Variants in SYNPO2 observed in about 807,000 individuals in gnomAD.
SYNPO2 encodes the protein synaptopodin 2.
A neutral mutation model predicts 85.0 loss-of-function variants in SYNPO2; 56 were observed. The observed-to-expected ratio is 0.66, with a 90% CI of 0.53 to 0.82. The LOEUF (loss-of-function observed/expected upper bound fraction) is 0.82, where lower values mean the gene tolerates loss of function less well. Ranked by LOEUF, SYNPO2 falls within the 40% of genes least tolerant of loss-of-function variation. The probability of loss-of-function intolerance (pLI) is 0.00; values close to 1 mark genes in which losing one functional copy is unlikely to be tolerated. For synonymous variants in SYNPO2, 602 were observed against 591.1 expected, an observed-to-expected ratio of 1.02 and a Z score of -0.27; for missense variants, 1,575 against 1,534.2, an observed-to-expected ratio of 1.03 and a Z score of -0.44.
intron 1 of SYNPO2, among the ~76,000 whole-genome samples, chr4:118,979,423 C>G (rs1735922150): frequency 1.3e-5 from 2 of 152,214 alleles, no homozygotes; most frequent in African/African-American, 4.8e-5. Context: ...GACCTAAAAT[C>G]TCACCCTCAG....
intron 1 of SYNPO2, among the ~76,000 whole-genome samples, chr4:118,901,817 G>A (rs188083239): frequency 6.6e-6 from 1 of 152,296 alleles, no homozygotes; most frequent in Admixed American, 6.5e-5. Flanking sequence ...TGTCTGTCTG[G>A]CCCACAGACC....
At chr4:118,889,379 T>G (rs1732289621) in intron 1 of SYNPO2, among the ~76,000 whole-genome samples, 1 of 152,194 alleles carries the variant, frequency 6.6e-6, no homozygotes, top group South Asian at 2.1e-4. Flanking sequence ...GCCATATTTA[T>G]CAGCTGAGGA....
chr4:118,991,320 G>A (rs1027495381), intron 1 of SYNPO2, among the ~76,000 whole-genome samples: 4 of 151,866 alleles, frequency 2.6e-5, no homozygotes, highest in Non-Finnish European at 5.9e-5. Context: ...GCTAATTTTT[G>A]TATTTTTAGT....
intron 1 of SYNPO2, among the ~76,000 whole-genome samples, chr4:118,935,381 C>G (rs1471728404): frequency 6.6e-6 from 1 of 152,164 alleles, no homozygotes. Flanking sequence ...ATCATTAATA[C>G]TGGGCTTAAT....
chr4:119,038,369 T>TA (rs3216722), intron 4 of SYNPO2: 495,209 of 832,918 alleles, frequency 0.59, 88,428 homozygotes, highest in Admixed American at 0.84. Context: ...GTTTTATTAG[T>TA]AAAAAAAAAA....
intron 1 of SYNPO2, among the ~76,000 whole-genome samples, chr4:118,996,741 C>A (rs1346343412): frequency 1.3e-5 from 2 of 151,462 alleles, no homozygotes; most frequent in African/African-American, 2.4e-5. Flanking sequence ...CCTGTAGTCC[C>A]AGTTACTCGG....
rs1245975394 is a variant in SYNPO2, at chr4:119,051,193, T to TTTTTTTG, written c.3253-6202_3253-6201insGTTTTTT. ...GTAAAGCCATGGGAAGCAATTTTTT[T>TTTTTTTG]TTTTTTTTTTTTTTGAGACGGAGTC... On this transcript the variant is annotated intron_variant, in intron 4 of 4. Coordinates refer to ENST00000307142, the MANE Select transcript of SYNPO2 (RefSeq NM_133477.3). Among the ~76,000 whole-genome samples, 23 of 136,104 alleles carry TTTTTTTG rather than the reference T, an allele frequency of 1.7e-4. 1 individual carries two copies. The highest frequency in any genetic ancestry group is 3.5e-4 in the Non-Finnish European group (22 of 63,196). The allele number at this position is 136,104 out of a possible 152,430, so 89.3% of individuals were successfully genotyped here. A position where few individuals can be genotyped will look rare whatever the true frequency, so the allele number is the denominator to read the frequency against.
intron 1 of SYNPO2, among the ~76,000 whole-genome samples, chr4:118,919,940 T>C (rs1032578246): frequency 3.9e-5 from 6 of 152,258 alleles, no homozygotes; most frequent in Middle Eastern, 3.4e-3. Context: ...GCAATGGGAA[T>C]CCACCACAGA....
At chr4:118,955,318 C>A (rs1158071514) in intron 1 of SYNPO2, among the ~76,000 whole-genome samples, 2 of 152,036 alleles carry the variant, frequency 1.3e-5, no homozygotes, top group South Asian at 2.1e-4. Flanking sequence ...TAACAACATG[C>A]CAAACTGCTT....
intron 1 of SYNPO2, among the ~76,000 whole-genome samples, chr4:119,011,187 C>T (rs560484066): frequency 8.2e-4 from 125 of 152,344 alleles, no homozygotes; most frequent in Non-Finnish European, 1.6e-3. Context: ...GTTCAGCTCA[C>T]GTGGACCTGC....
At chr4:118,868,962 G>T (rs1731751103) in intron 1 of SYNPO2, among the ~76,000 whole-genome samples, 1 of 152,188 alleles carries the variant, frequency 6.6e-6, no homozygotes, top group Non-Finnish European at 1.5e-5. Flanking sequence ...CAGGAGATGT[G>T]CTTGCCTGGC....
At chr4:118,977,106 G>A (rs999384182) in intron 1 of SYNPO2, among the ~76,000 whole-genome samples, 34 of 152,328 alleles carry the variant, frequency 2.2e-4, no homozygotes, top group East Asian at 9.7e-4. Context: ...AGGGGGTGGT[G>A]CTCGTCAGGG....
intron 1 of SYNPO2, among the ~76,000 whole-genome samples, chr4:118,917,241 A>G (rs561283714): frequency 6.6e-6 from 1 of 152,258 alleles, no homozygotes; most frequent in African/African-American, 2.4e-5. Context: ...AAAATACAAA[A>G]AAATAGCTGG....
intron 1 of SYNPO2, among the ~76,000 whole-genome samples, chr4:118,976,278 A>G (rs952348804): frequency 6.6e-6 from 1 of 151,954 alleles, no homozygotes; most frequent in Non-Finnish European, 1.5e-5. Context: ...AGTGAGTGTT[A>G]CAGCTCTTAA....
chr4:118,853,490 G>T (rs933891048), intron 1 of SYNPO2, among the ~76,000 whole-genome samples: 3 of 151,874 alleles, frequency 2.0e-5, no homozygotes, highest in Admixed American at 1.3e-4. Flanking sequence ...GGTTCACCCA[G>T]AAGTGTGAGA....
chr4:118,969,283 C>T (rs1204088495), intron 1 of SYNPO2, among the ~76,000 whole-genome samples: 5 of 152,174 alleles, frequency 3.3e-5, no homozygotes, highest in African/African-American at 1.2e-4. Context: ...CCCAGAAATG[C>T]TACATAGAAA....
intron 1 of SYNPO2, among the ~76,000 whole-genome samples, chr4:118,927,096 C>T (rs1430386281): frequency 6.6e-6 from 1 of 152,076 alleles, no homozygotes; most frequent in Non-Finnish European, 1.5e-5. Context: ...AGTCTTCTCC[C>T]TCTCCTTTTT....
intron 1 of SYNPO2, among the ~76,000 whole-genome samples, chr4:118,991,540 AAGTTG>A (rs1489868196): frequency 2.0e-5 from 3 of 152,218 alleles, no homozygotes; most frequent in African/African-American, 7.2e-5. Flanking sequence ...GTTTCCATCA[AAGTTG>A]AGCCTTCTAT....
At chr4:118,897,127 T>C (rs1444170122) in intron 1 of SYNPO2, among the ~76,000 whole-genome samples, 1 of 152,164 alleles carries the variant, frequency 6.6e-6, no homozygotes, top group East Asian at 1.9e-4. Flanking sequence ...CTCAGGAAAC[T>C]TAGAATCATG....
Sources: allele counts gnomAD v4.1 joint callset (sites outside exome capture counted in the v4.1 genomes callset), GRCh38; gene constraint gnomAD v4.1.1; transcripts MANE v1.5; gene names NCBI Gene and HGNC (gene_info 2026-07-23, HGNC 2026-07-21).